FOXP2: variants seen among roughly 807,000 people sequenced by gnomAD.
The protein encoded by FOXP2 is forkhead box protein P2.
FOXP2 carries 12 observed loss-of-function variants against 115.8 expected under a neutral mutation model. The observed-to-expected ratio is 0.10, with a 90% confidence interval of 0.07 to 0.17. The LOEUF is 0.17. Among genes scored for constraint, FOXP2 ranks in the 10% least tolerant of loss-of-function variants. The probability of loss-of-function intolerance (pLI) is 1.00; values close to 1 mark genes in which losing one functional copy is unlikely to be tolerated. For synonymous variants in FOXP2, 328 were observed against 297.7 expected, an observed-to-expected ratio of 1.10 and a Z score of -1.05; for missense variants, 629 against 843.5, an observed-to-expected ratio of 0.75 and a Z score of 3.15.
rs536053792 is a variant in FOXP2, at chr7:114,448,604, T to C, written c.168+21925T>C. ...GGTGCCGCTAGCCTTTTCATGTTAA[T>C]ATTTGGTAGTACAGCTATAGAGAAA... On this transcript the variant is annotated intron_variant, in intron 2 of 16. Transcript: ENST00000350908. Among the ~76,000 whole-genome samples the C allele has an allele frequency of 3.3e-5, 5 of 152,244 alleles. 1 individual carries two copies. In the South Asian group the frequency reaches 1.0e-3, roughly 32 times the overall value.
rs773253707 is a variant in FOXP2 at position 114,663,465 on chromosome 7, A to G, written c.1785A>G (p.Val595=). The change falls in exon 15 of 17, where the codon GTA becomes GTG. Residue 595 remains valine (V), a synonymous_variant. Coordinates refer to ENST00000350908, the MANE Select transcript of FOXP2 (RefSeq NM_014491.4). ...SQKITGSPTL[V]KNIPTSLGYG... Reference sequence around the variant, plus strand: ...TTTTTTTCAGAAGTCCAACCTTAGTAAAAAATATACCTACCAGTTTAGGCT... The same window carrying G: ...TTTTTTTCAGAAGTCCAACCTTAGTGAAAAATATACCTACCAGTTTAGGCT... The G allele has an allele frequency of 2.5e-6, 4 of 1,609,488 alleles. No homozygotes were observed. Among genetic ancestry groups the G allele is most frequent in the South Asian group, 1.1e-5 (1 of 90,766 alleles).
At chr7:114,231,951 T>C (rs1331664886) in intron 1 of FOXP2, among the ~76,000 whole-genome samples, 1 of 152,146 alleles carries the variant, frequency 6.6e-6, no homozygotes, top group African/African-American at 2.4e-5. Context: ...AAAGTATCTG[T>C]AAACCATTTA....
intron 2 of FOXP2, among the ~76,000 whole-genome samples, chr7:114,310,686 C>T (rs959090455): frequency 5.3e-5 from 8 of 151,828 alleles, no homozygotes; most frequent in South Asian, 4.2e-4. Context: ...TGTTGGACAA[C>T]CTGGGAGAAG....
intron 2 of FOXP2, among the ~76,000 whole-genome samples, chr7:114,527,016 T>G (rs2129273072): frequency 6.6e-6 from 1 of 151,162 alleles, no homozygotes; most frequent in African/African-American, 2.4e-5. Context: ...TTTGTCTCTT[T>G]AGGTATATCT....
At chr7:114,354,726 A>G (rs1791574028) in intron 2 of FOXP2, among the ~76,000 whole-genome samples, 1 of 152,196 alleles carries the variant, frequency 6.6e-6, no homozygotes, top group Non-Finnish European at 1.5e-5. Context: ...TAAAGGAATT[A>G]ATGGTCTCTA....
Position 114,211,835 on chromosome 7 carries a change from G to A in FOXP2, c.-102+48747G>A, listed in dbSNP as rs139503724. 1.7e-3 allele frequency among the ~76,000 whole-genome samples: 253 copies of A among 152,234 alleles called. 1 individual carries two copies. The East Asian group carries it at 0.04, about 24-fold the overall frequency. On this transcript the variant is annotated intron_variant, in intron 1 of 17. Coordinates refer to the FOXP2 transcript ENST00000634411. The stretch of plus-strand genomic sequence containing the variant: ...CGCCTGTAATCCCAGCACTTTGGGA[G>A]GCCAGGGAGGGCAGATCACCTGAGG...
chr7:114,312,984 T>A (rs1461605641), intron 2 of FOXP2, among the ~76,000 whole-genome samples: 1 of 152,126 alleles, frequency 6.6e-6, no homozygotes, highest in Non-Finnish European at 1.5e-5. Context: ...CTTTATAGAG[T>A]TGCACTTCCT....
chr7:114,365,095 A>G (rs1299788341), intron 2 of FOXP2, among the ~76,000 whole-genome samples: 1 of 151,976 alleles, frequency 6.6e-6, no homozygotes, highest in Non-Finnish European at 1.5e-5. Context: ...TTCACTTTTA[A>G]TTTTTTTTCT....
intron 2 of FOXP2, among the ~76,000 whole-genome samples, chr7:114,296,520 T>C (rs1203452516): frequency 1.3e-5 from 2 of 152,048 alleles, no homozygotes; most frequent in Non-Finnish European, 2.9e-5. Flanking sequence ...AATAAGACTG[T>C]TAGGTTTAGT....
chr7:114,653,909 TCA>T lies in FOXP2; in HGVS notation c.1183-15_1183-14del. The stretch of plus-strand genomic sequence containing the variant: ...AGTCATTTCTAAAACGCTTCTGATC[TCA>T]CTCTTTCTTAACAGCTTTCTAAAGA... On this transcript the variant is annotated splice_polypyrimidine_tract_variant and intron_variant, in intron 9 of 16. Transcript: ENST00000350908. 6.2e-7 allele frequency: 1 copy of T among 1,611,380 alleles called. No individual in the cohort carries two copies. The highest frequency in any genetic ancestry group is 8.5e-7 in the Non-Finnish European group (1 of 1,178,270).
chr7:114,290,574 G>T (rs1034272356), intron 2 of FOXP2, among the ~76,000 whole-genome samples: 1 of 152,020 alleles, frequency 6.6e-6, no homozygotes, highest in African/African-American at 2.4e-5. Context: ...TTATTAAAAA[G>T]TAAATGGACT....
chr7:114,293,775 C>T (rs1796668939), intron 2 of FOXP2, among the ~76,000 whole-genome samples: 1 of 152,156 alleles, frequency 6.6e-6, no homozygotes, highest in Non-Finnish European at 1.5e-5. Flanking sequence ...TGTAAGTTTC[C>T]TGAGGCCTCC....
chr7:114,242,120 T>A (rs73439593), intron 1 of FOXP2, among the ~76,000 whole-genome samples: 12,672 of 150,810 alleles, frequency 0.084, 1,324 homozygotes, highest in African/African-American at 0.25. Flanking sequence ...ATGAAAGTTC[T>A]CATGAGGCTA....
chr7:114,245,904 G>A (rs1388352185), intron 1 of FOXP2, among the ~76,000 whole-genome samples: 1 of 152,008 alleles, frequency 6.6e-6, no homozygotes, highest in East Asian at 1.9e-4. Flanking sequence ...GTACTAAAGA[G>A]TTATTGTAGA....
At chr7:114,578,167 G>T (rs1409455614) in intron 3 of FOXP2, among the ~76,000 whole-genome samples, 1 of 151,944 alleles carries the variant, frequency 6.6e-6, no homozygotes, top group Non-Finnish European at 1.5e-5. Flanking sequence ...TTGCCTGTAA[G>T]TTGTAGGTAT....
At chr7:114,510,346 C>G (rs1460057268) in intron 2 of FOXP2, among the ~76,000 whole-genome samples, 1 of 152,080 alleles carries the variant, frequency 6.6e-6, no homozygotes, top group Non-Finnish European at 1.5e-5. Context: ...ATTCAATTAT[C>G]TCTTTATGGC....
chr7:114,576,963 C>T (rs191857474), intron 3 of FOXP2, among the ~76,000 whole-genome samples: 30 of 151,994 alleles, frequency 2.0e-4, no homozygotes, highest in African/African-American at 7.2e-4. Flanking sequence ...ATACATCATA[C>T]ATACACATAT....
chr7:114,574,561 C>G (rs1159580767), intron 3 of FOXP2, among the ~76,000 whole-genome samples: 1 of 151,826 alleles, frequency 6.6e-6, no homozygotes, highest in Non-Finnish European at 1.5e-5. Context: ...TCTTTGGCTT[C>G]CTTACAAGAT....
intron 2 of FOXP2, among the ~76,000 whole-genome samples, chr7:114,432,394 C>T (rs1186596683): frequency 1.3e-5 from 2 of 151,932 alleles, no homozygotes; most frequent in Non-Finnish European, 2.9e-5. Context: ...TTACACAGCA[C>T]AGATAGGAAA....
Sources: gnomAD v4.1 joint callset for allele counts (sites outside exome capture counted in the v4.1 genomes callset) on GRCh38, gnomAD v4.1.1 for gene constraint, MANE v1.5 for transcripts, NCBI Gene and HGNC (gene_info 2026-07-23, HGNC 2026-07-21) for gene names.